TPP2: variants seen among roughly 807,000 people sequenced by gnomAD.
TPP2 encodes tripeptidyl peptidase 2.
TPP2 carries 34 observed loss-of-function variants against 155.9 expected under a neutral mutation model. The observed-to-expected ratio is 0.22, with a 90% CI of 0.17 to 0.29. TPP2 has a LOEUF of 0.29. Ranked by LOEUF, TPP2 falls within the 10% of genes least tolerant of loss-of-function variation. The probability of loss-of-function intolerance (pLI) is 1.00; values close to 1 mark genes in which losing one functional copy is unlikely to be tolerated. For missense variants in TPP2, 1,028 were observed against 1,522.3 expected, an observed-to-expected ratio of 0.68 and a Z score of 5.40; for synonymous variants, 510 against 529.4, an observed-to-expected ratio of 0.96 and a Z score of 0.50.
intron 2 of TPP2, among the ~76,000 whole-genome samples, chr13:102,612,044 T>C (rs1880365529): frequency 6.6e-6 from 1 of 152,194 alleles, no homozygotes; most frequent in Non-Finnish European, 1.5e-5. Flanking sequence ...GCACAGTACC[T>C]TTTTCATTTT....
chr13:102,618,946 C>G, intron 5 of TPP2, 100 bp downstream of exon 5: 1 of 1,382,842 alleles, frequency 7.2e-7, no homozygotes, highest in African/African-American at 1.5e-5. Flanking sequence ...TTGGTTTATT[C>G]GTGATATCAC....
rs115050878 is a variant in TPP2 at position 102,634,107 on chromosome 13, G to A, written c.1393+9G>A. On this transcript the variant is annotated intron_variant, in intron 11 of 29. Transcript: ENST00000376052. ...TGCCCTGATCCTTTCAGGTAAGCGTGTTCTTTATTGTCCTTACATTATTGC... is the reference window on the plus strand; with the variant it reads ...TGCCCTGATCCTTTCAGGTAAGCGTATTCTTTATTGTCCTTACATTATTGC... 1,126 of 1,613,906 alleles carry A rather than the reference G, an allele frequency of 7.0e-4. 2 individuals are homozygous for A. The African/African-American group carries it at 0.013, about 18-fold the overall frequency.
At chr13:102,625,300 G>T (rs1210678009) in intron 6 of TPP2, among the ~76,000 whole-genome samples, 1 of 151,554 alleles carries the variant, frequency 6.6e-6, no homozygotes, top group African/African-American at 2.4e-5. Context: ...AAGTAGCTGG[G>T]ACTGCAGGCG....
chr13:102,677,745 T>C (rs1326862942), intron 29 of TPP2, among the ~76,000 whole-genome samples: 1 of 152,262 alleles, frequency 6.6e-6, no homozygotes, highest in African/African-American at 2.4e-5. Flanking sequence ...TTATATTGTG[T>C]CAAATATTAT....
chr13:102,604,516 A>G (rs915101729), intron 1 of TPP2, among the ~76,000 whole-genome samples: 7 of 152,224 alleles, frequency 4.6e-5, no homozygotes, highest in Non-Finnish European at 7.3e-5. Flanking sequence ...GATCACTGCC[A>G]TATCCCCAGC....
intron 8 of TPP2, among the ~76,000 whole-genome samples, chr13:102,628,560 C>T (rs1439334037): frequency 1.3e-5 from 2 of 152,178 alleles, no homozygotes; most frequent in African/African-American, 2.4e-5. Context: ...CCTCCTTCCT[C>T]GTTGGCTTCA....
intron 1 of TPP2, among the ~76,000 whole-genome samples, chr13:102,600,295 A>G (rs1466519112): frequency 6.6e-6 from 1 of 152,096 alleles, no homozygotes; most frequent in East Asian, 1.9e-4. Context: ...GGCTTCTACC[A>G]TCCGTCATCT....
rs186542138 is a variant in TPP2 at position 102,629,848 on chromosome 13, A to G, written c.1144+239A>G. 3.5e-4 allele frequency among the ~76,000 whole-genome samples: 53 copies of G among 152,374 alleles called. 1 individual carries two copies. The highest frequency in any genetic ancestry group is 1.3e-3 in the African/African-American group (52 of 41,588). ...TGCATGCTTTTAGGTGCATTAGCAT[A>G]TTTAGTCTAAAATATCCTGGGATAA... On this transcript the variant is annotated intron_variant, in intron 9 of 29. Coordinates refer to ENST00000376052, the MANE Select transcript of TPP2 (RefSeq NM_001330588.2).
At chr13:102,672,838 G>T (rs901963169) in intron 27 of TPP2, among the ~76,000 whole-genome samples, 1 of 152,206 alleles carries the variant, frequency 6.6e-6, no homozygotes, top group Non-Finnish European at 1.5e-5. Flanking sequence ...CTTAATTCCA[G>T]TGTAAACAAG....
chr13:102,677,673 A>C (rs984863358), intron 29 of TPP2, among the ~76,000 whole-genome samples: 1 of 152,208 alleles, frequency 6.6e-6, no homozygotes, highest in Non-Finnish European at 1.5e-5. Flanking sequence ...TTGTCATTCA[A>C]ACTCAACTGG....
In TPP2 at chr13:102,630,109, T is replaced by C. The variant is rs1308700765; in HGVS notation, c.1158T>C (p.Tyr386=). Residue 386 remains tyrosine (Y), a synonymous_variant, in exon 10 of 30, where the codon TAT becomes TAC. Coordinates refer to ENST00000376052, the MANE Select transcript of TPP2 (RefSeq NM_001330588.2). ...TCCATCCCACAGGTGTTGGTGCTTA[T>C]GTTTCTCCTGATATGATGGTTGCTG... ...TTSSVIGVGA[Y]VSPDMMVAEY... 1.2e-5 allele frequency: 20 copies of C among 1,613,174 alleles called. No homozygotes were observed. In the African/African-American group the frequency reaches 1.9e-4, roughly 15 times the overall value.
At chr13:102,626,191 G>T (rs1881609224) in intron 6 of TPP2, among the ~76,000 whole-genome samples, 1 of 152,114 alleles carries the variant, frequency 6.6e-6, no homozygotes. Context: ...ATATGATGTT[G>T]CTGTTTTTGT....
In TPP2 at chr13:102,676,277, A is replaced by G. The variant is rs1885277993; in HGVS notation, c.3580-19A>G. ...GTAAATTATTTTATAAACAAGCTTT[A>G]TCATGTTTTACATTGTAGGTTTTGA... is the stretch of plus-strand genomic sequence containing the variant. On this transcript the variant is annotated intron_variant, in intron 28 of 29. Coordinates refer to ENST00000376052, the MANE Select transcript of TPP2 (RefSeq NM_001330588.2). 1 of 1,561,420 alleles carries G rather than the reference A, an allele frequency of 6.4e-7. No homozygotes were observed. Among genetic ancestry groups the G allele is most frequent in the African/African-American group, 1.4e-5 (1 of 72,314 alleles).
intron 13 of TPP2, among the ~76,000 whole-genome samples, 186 bp from the exon 14 acceptor site, chr13:102,636,896 T>C (rs1472249927): frequency 6.6e-6 from 1 of 152,244 alleles, no homozygotes; most frequent in Admixed American, 6.5e-5. Context: ...GGTGAAAGTA[T>C]AAATGAATCA....
intron 2 of TPP2, among the ~76,000 whole-genome samples, chr13:102,608,641 T>G (rs868179865): frequency 1.3e-5 from 2 of 152,192 alleles, no homozygotes; most frequent in Non-Finnish European, 2.9e-5. Context: ...GAGCATATTT[T>G]TGTATCATGT....
intron 4 of TPP2, among the ~76,000 whole-genome samples, chr13:102,616,936 G>A (rs1382605738): frequency 6.6e-6 from 1 of 150,454 alleles, no homozygotes; most frequent in African/African-American, 2.4e-5. Context: ...TTTTTGAGAC[G>A]GAGTCTCGCT....
At chr13:102,669,995 T>G (rs1884865174) in intron 27 of TPP2, among the ~76,000 whole-genome samples, 1 of 152,168 alleles carries the variant, frequency 6.6e-6, no homozygotes, top group South Asian at 2.1e-4. Flanking sequence ...CTAACCATAT[T>G]GATTGGCTGA....
At chr13:102,635,310 CTGCTT>C (rs1291877184) in intron 11 of TPP2, among the ~76,000 whole-genome samples, 2 of 152,210 alleles carry the variant, frequency 1.3e-5, no homozygotes, top group Admixed American at 6.5e-5. Context: ...TTTTAGATAT[CTGCTT>C]TGTACGTTTA....
Position 102,636,400 on chromosome 13 carries a change from A to G in TPP2, c.1678+8A>G. Reference sequence around the variant, plus strand: ...TATTTCCGGAGAACACAGGTCAGTAATAGGCTGGCAGTAAGCTGACGTATT... The same window carrying G: ...TATTTCCGGAGAACACAGGTCAGTAGTAGGCTGGCAGTAAGCTGACGTATT... On this transcript the variant is annotated splice_region_variant and intron_variant, in intron 13 of 29. Transcript: ENST00000376052. The G allele has an allele frequency of 1.2e-6, 2 of 1,606,818 alleles. No individual in the cohort carries two copies. The highest frequency in any genetic ancestry group is 1.7e-6 in the Non-Finnish European group (2 of 1,177,558).
Sources: allele counts gnomAD v4.1 joint callset (sites outside exome capture counted in the v4.1 genomes callset), GRCh38; gene constraint gnomAD v4.1.1; transcripts MANE v1.5; gene names NCBI Gene and HGNC (gene_info 2026-07-23, HGNC 2026-07-21).